Variants in CAPN15 observed in about 807,000 individuals in gnomAD.
CAPN15 encodes calpain-15.
A neutral mutation model predicts 97.9 loss-of-function variants in CAPN15; 53 were observed. The observed-to-expected ratio is 0.54, with a 90% confidence interval of 0.43 to 0.68. The LOEUF (loss-of-function observed/expected upper bound fraction) is 0.68. Ranked by LOEUF, CAPN15 falls within the 30% of genes least tolerant of loss-of-function variation. The pLI is 0.00. For synonymous variants in CAPN15, 922 were observed against 722.5 expected (o/e 1.28, Z -4.43); for missense variants, 1,592 against 1,589.8 (o/e 1.00, Z -0.02).
chr16:537,115 C>T lies in CAPN15; in HGVS notation c.-23+973C>T, dbSNP rs775106795. On this transcript the variant is annotated intron_variant, in intron 3 of 13. Coordinates refer to ENST00000219611, the MANE Select transcript of CAPN15 (RefSeq NM_005632.3). Reference sequence around the variant, plus strand: ...AGCTGTCCAGCCTCTGTGACAGGGACGTTTGCTTTTCTCTGCAGGGTCCTC... The same window carrying T: ...AGCTGTCCAGCCTCTGTGACAGGGATGTTTGCTTTTCTCTGCAGGGTCCTC... 1.3e-4 allele frequency: 130 copies of T among 984,730 alleles called. 1 individual carries two copies. In the Middle Eastern group the frequency reaches 3.1e-3, roughly 23 times the overall value. 61.0% of individuals were successfully genotyped at this position (984,730 alleles called of 1,614,324 possible).
intron 3 of CAPN15, among the ~76,000 whole-genome samples, chr16:540,750 TGCCCCCCCGGGGGTCACAG>T (rs1166804385): frequency 6.6e-6 from 1 of 152,186 alleles, no homozygotes; most frequent in Non-Finnish European, 1.5e-5. Flanking sequence ...CTCCGCCTGC[TGCCCCCCCGGGGGTCACAG>T]GCCACATGGC....
rs562536460 is a variant in CAPN15 at position 551,872 on chromosome 16, C to T, written c.2346-179C>T. On this transcript the variant is annotated intron_variant, in intron 9 of 13. Transcript: ENST00000219611. The stretch of plus-strand genomic sequence containing the variant: ...AGATTCCAGCGCCCTGAAGAGCCGG[C>T]CCTGGAGGGCTTCCTATTATAGGCC... 6.6e-5 allele frequency: 64 copies of T among 964,822 alleles called. No homozygotes were observed. The East Asian group carries it at 1.6e-3, about 24-fold the overall frequency. The allele number at this position is 964,822 out of a possible 1,614,324, so 59.8% of individuals were successfully genotyped here.
At chr16:534,180 G>T in intron 2 of CAPN15, among the ~76,000 whole-genome samples, 182 bp downstream of exon 2, 3 of 152,398 alleles carry the variant, frequency 2.0e-5, no homozygotes, top group South Asian at 2.1e-4. Context: ...CAGCCGTTTG[G>T]GCCGTGGTCC....
At position 547,194 on chromosome 16, in the gene CAPN15, C is replaced by T; in HGVS notation, c.356C>T (p.Ala119Val). Residue 119 changes from alanine (A) to valine (V), a missense_variant, in exon 4 of 14, where the codon GCC (alanine) becomes GTC (valine). Ala to Val is a moderately conservative substitution (Grantham distance 64). Around this residue, in one of 3 missense-constraint regions of CAPN15, gnomAD observed 883 missense variants for 776.6 expected, o/e 1.14. Transcript: ENST00000219611. ...RTAGLVATEP[A>V]RGQCEDKDEE... ...GCGGGGCTGGTGGCCACGGAGCCCG[C>T]CAGGGGGCAGTGCGAGGACAAGGAC... is the stretch of plus-strand genomic sequence containing the variant. 2.6e-6 allele frequency: 4 copies of T among 1,533,002 alleles called. No individual in the cohort carries two copies. The highest frequency in any genetic ancestry group is 3.5e-6 in the Non-Finnish European group (4 of 1,145,048). 95.0% of individuals were successfully genotyped at this position (1,533,002 alleles called of 1,614,324 possible). A position where few individuals can be genotyped will look rare whatever the true frequency, so the allele number is the denominator to read the frequency against.
rs373212177 is a variant in CAPN15, at chr16:533,595, C to T, written c.-189-351C>T. On this transcript the variant is annotated intron_variant, in intron 1 of 13. Coordinates refer to ENST00000219611, the MANE Select transcript of CAPN15 (RefSeq NM_005632.3). The stretch of plus-strand genomic sequence containing the variant: ...AGCCCCGCTCATGGACTCTTGCCCA[C>T]GGCCTGCTCCTTGTAGCAGGGTCGG... Among the ~76,000 whole-genome samples, 27 of 152,306 alleles carry T rather than the reference C, an allele frequency of 1.8e-4. No homozygotes were observed. The East Asian group carries it at 4.3e-3, about 24-fold the overall frequency.
chr16:543,084 T>C (rs1369521344), intron 3 of CAPN15, among the ~76,000 whole-genome samples: 1 of 151,766 alleles, frequency 6.6e-6, no homozygotes, highest in African/African-American at 2.4e-5. Flanking sequence ...CTTGGGAGGG[T>C]CCAGGCTGCA....
rs58193217 is a variant in CAPN15, at chr16:552,511, G to A, written c.2718G>A (p.Pro906=). The change falls in exon 11 of 14, where the codon CCG becomes CCA. Residue 906 remains proline (P), a synonymous_variant. Coordinates refer to ENST00000219611, the MANE Select transcript of CAPN15 (RefSeq NM_005632.3). This position sits in a 1 kb window ranked among gnomAD's most constrained non-coding sequence, Gnocchi z 6.4. The part of the protein sequence containing the change: ...CAFNHWGPPL[P]GTPAPQASSP... ...TCAACCACTGGGGGCCGCCCCTGCC[G>A]GGCACCCCTGCCCCCCAGGGTACGT... 1.7e-4 allele frequency: 276 copies of A among 1,603,402 alleles called. No homozygotes were observed. The highest frequency in any genetic ancestry group is 3.5e-4 in the Admixed American group (21 of 59,852).
At position 553,698 on chromosome 16, in the gene CAPN15, C is replaced by G. The variant is rs958474437; in HGVS notation, c.*182C>G. On this transcript the variant is annotated 3_prime_UTR_variant, in exon 14 of 14. Transcript: ENST00000219611. ...CCCCCTCCTTCCCCTCCCTGAACCC[C>G]ACAGTCCGCCTGGCCAGGCCTCCTG... 9.8e-6 allele frequency: 5 copies of G among 508,338 alleles called. No homozygotes were observed. The highest frequency in any genetic ancestry group is 9.8e-5 in the African/African-American group (5 of 51,100). The allele number at this position is 508,338 out of a possible 1,614,324, so 31.5% of individuals were successfully genotyped here.
chr16:528,936 C>T (rs757970982), intron 1 of CAPN15, among the ~76,000 whole-genome samples: 2 of 152,212 alleles, frequency 1.3e-5, no homozygotes, highest in Non-Finnish European at 2.9e-5. Context: ...CTCCGCGTTT[C>T]CAGAGTCTGG....
rs1448149712 is a variant in CAPN15 at position 549,851 on chromosome 16, G to A, written c.2066+13G>A. Reference sequence around the variant, plus strand: ...CTAAGGAGGCTGGGTAAGAGGAGGGGCACTGCGTGGTCAGCCGCGTTGGGA... The same window carrying A: ...CTAAGGAGGCTGGGTAAGAGGAGGGACACTGCGTGGTCAGCCGCGTTGGGA... On this transcript the variant is annotated intron_variant, in intron 7 of 13. Transcript: ENST00000219611. 2 of 1,553,946 alleles carry A rather than the reference G, an allele frequency of 1.3e-6. No homozygotes were observed. Among genetic ancestry groups the A allele is most frequent in the Non-Finnish European group, 1.7e-6 (2 of 1,144,280 alleles).
rs748581792 is a variant in CAPN15 at position 547,815 on chromosome 16, G to A, written c.977G>A (p.Gly326Glu). 1.2e-6 allele frequency: 2 copies of A among 1,611,824 alleles called. No homozygotes were observed. Among genetic ancestry groups the A allele is most frequent in the Non-Finnish European group, 8.5e-7 (1 of 1,179,608 alleles). Residue 326 changes from glycine (G) to glutamate (E), a missense_variant, in exon 4 of 14, where the codon GGA becomes GAA. Gly to Glu is a moderately conservative substitution (Grantham distance 98, BLOSUM62 -2). Around this residue, in one of 3 missense-constraint regions of CAPN15, gnomAD observed 883 missense variants for 776.6 expected, o/e 1.14. Coordinates refer to ENST00000219611, the MANE Select transcript of CAPN15 (RefSeq NM_005632.3). ...GGCAGTGACATCATTGACCTGGCCG[G>A]AGACACCGTGCGTTACACGCCCGCC... The part of the protein sequence containing the change: ...TSGSDIIDLA[G>E]DTVRYTPASP...
rs2034826767 is a variant in CAPN15, at chr16:549,292, C to T, written c.1663C>T (p.Leu555=). The T allele has an allele frequency of 1.3e-6, 2 of 1,586,112 alleles. No homozygotes were observed. The highest frequency in any genetic ancestry group is 1.1e-5 in the South Asian group (1 of 88,766). The part of the protein sequence containing the change: ...LQGLLGNCWF[L]SALAVLAERP... ...TCACCCTGAGGCTCTGCGCAGGTTC[C>T]TGAGCGCCCTGGCGGTGCTGGCGGA... Residue 555 remains leucine, a synonymous_variant, in exon 6 of 14, where the codon CTG becomes TTG. Coordinates refer to ENST00000219611, the MANE Select transcript of CAPN15 (RefSeq NM_005632.3).
chr16:534,220 C>A (rs1019765949), intron 2 of CAPN15, among the ~76,000 whole-genome samples: 2 of 147,184 alleles, frequency 1.4e-5, no homozygotes, highest in Non-Finnish European at 3.1e-5. Flanking sequence ...GAGGGCGGCC[C>A]GGGGTCCCGA....
intron 3 of CAPN15, among the ~76,000 whole-genome samples, chr16:544,341 G>A (rs1436585868): frequency 6.6e-6 from 1 of 152,158 alleles, no homozygotes; most frequent in African/African-American, 2.4e-5. Context: ...GGGCATCTGT[G>A]TTTCTCGGTG....
At chr16:550,068 G>T (rs1358108951) in intron 7 of CAPN15, among the ~76,000 whole-genome samples, 1 of 150,854 alleles carries the variant, frequency 6.6e-6, no homozygotes, top group South Asian at 2.1e-4. Flanking sequence ...AGGCCGTGGG[G>T]CGAGACCGAT....
chr16:540,309 G>GCCC (rs1160104336), intron 3 of CAPN15: 14 of 985,402 alleles, frequency 1.4e-5, no homozygotes, highest in Non-Finnish European at 1.7e-5. Flanking sequence ...GCCCAGGGGG[G>GCCC]CCCGTCTGGG....
At chr16:536,462 G>A (rs1344610754) in intron 3 of CAPN15, among the ~76,000 whole-genome samples, 2 of 150,314 alleles carry the variant, frequency 1.3e-5, no homozygotes, top group Non-Finnish European at 3.0e-5. Context: ...TCGCTCTGTC[G>A]CCCCGGCTGG....
chr16:548,422 C>T, intron 4 of CAPN15, 135 bp downstream of exon 4: 1 of 911,480 alleles, frequency 1.1e-6, no homozygotes, highest in East Asian at 3.1e-5. Flanking sequence ...GCAGCACCCT[C>T]CGCCCCGAGG....
intron 5 of CAPN15, 41 bp downstream of exon 5, chr16:549,242 G>GGGGGAGGGGGC: frequency 3.3e-6 from 1 of 298,896 alleles, no homozygotes; most frequent in Non-Finnish European, 6.4e-6. Context: ...GGGTGGGCGG[G>GGGGGAGGGGGC]CGACCGGCCG....
Sources: gnomAD v4.1 joint callset for allele counts (sites outside exome capture counted in the v4.1 genomes callset) on GRCh38, gnomAD v4.1.1 for gene constraint, gnomAD v4.1.1 regional missense constraint, Gnocchi (gnomAD v3.1) non-coding constraint, MANE v1.5 for transcripts, NCBI Gene and HGNC (gene_info 2026-07-23, HGNC 2026-07-21) for gene names.